The following CHSY3 variants were observed in gnomAD, a reference collection of about 807,000 sequenced individuals.
CHSY3 encodes the protein N-acetylgalactosaminyl-proteoglycan 3-beta-glucuronosyltransferase 3.
In CHSY3, 35 loss-of-function variants were observed where a neutral mutation model predicts 67.2. The observed-to-expected ratio is 0.52, with a 90% confidence interval of 0.40 to 0.69. The LOEUF is 0.69. Among genes scored for constraint, CHSY3 ranks in the 30% least tolerant of loss-of-function variants. CHSY3 has a pLI of 0.00. For synonymous variants in CHSY3, 474 were observed against 434.7 expected (o/e 1.09, Z -1.12); for missense variants, 1,069 against 1,138.5 (o/e 0.94, Z 0.88).
At chr5:129,964,852 C>T (rs1371399180) in intron 2 of CHSY3, among the ~76,000 whole-genome samples, 1 of 151,774 alleles carries the variant, frequency 6.6e-6, no homozygotes, top group Non-Finnish European at 1.5e-5. Context: ...TCTTTTCCCC[C>T]ACTTTTAGAG....
chr5:130,179,035 A>G (rs1391367659), intron 2 of CHSY3, among the ~76,000 whole-genome samples: 1 of 152,226 alleles, frequency 6.6e-6, no homozygotes, highest in Non-Finnish European at 1.5e-5. Flanking sequence ...CCACAATTAT[A>G]GTGTCCTCCA....
intron 2 of CHSY3, among the ~76,000 whole-genome samples, chr5:130,090,642 A>T (rs1218364908): frequency 6.6e-6 from 1 of 152,186 alleles, no homozygotes; most frequent in African/African-American, 2.4e-5. Context: ...GAGAACATGT[A>T]TCACGTTGTT....
chr5:130,127,565 T>C (rs1227947538), intron 2 of CHSY3, among the ~76,000 whole-genome samples: 1 of 152,220 alleles, frequency 6.6e-6, no homozygotes, highest in East Asian at 1.9e-4. Context: ...AGCAGTCATT[T>C]GCTGTAAATA....
chr5:130,155,985 G>A (rs1431579699), intron 2 of CHSY3, among the ~76,000 whole-genome samples: 2 of 152,206 alleles, frequency 1.3e-5, no homozygotes, highest in Non-Finnish European at 2.9e-5. Flanking sequence ...GAGAGCAGCT[G>A]TATCTGCTAA....
intron 2 of CHSY3, among the ~76,000 whole-genome samples, chr5:130,123,548 C>T (rs906727230): frequency 3.9e-5 from 6 of 152,184 alleles, no homozygotes; most frequent in Non-Finnish European, 5.9e-5. Context: ...CTGTAATGCT[C>T]ACCTGCTGCT....
chr5:130,141,382 C>T, intron 2 of CHSY3: 1 of 379,674 alleles, frequency 2.6e-6, no homozygotes, highest in Non-Finnish European at 5.3e-6. Context: ...AGGACAACAA[C>T]CTGCTTGTCA....
chr5:129,958,403 C>T (rs748707360), intron 2 of CHSY3, among the ~76,000 whole-genome samples: 4 of 152,032 alleles, frequency 2.6e-5, no homozygotes, highest in Non-Finnish European at 4.4e-5. Context: ...AGGATATGAG[C>T]GTATTTAAAA....
At chr5:129,937,999 C>A (rs1761563210) in intron 2 of CHSY3, among the ~76,000 whole-genome samples, 1 of 152,182 alleles carries the variant, frequency 6.6e-6, no homozygotes, top group Admixed American at 6.5e-5. Context: ...GGCTCCACCC[C>A]TGCAGCAAAC....
chr5:129,963,287 T>G (rs1428578463), intron 2 of CHSY3, among the ~76,000 whole-genome samples: 3 of 152,026 alleles, frequency 2.0e-5, no homozygotes, highest in Non-Finnish European at 4.4e-5. Context: ...CTACCTTGGT[T>G]GATAGCTTAC....
intron 2 of CHSY3, among the ~76,000 whole-genome samples, chr5:130,102,409 A>C (rs1322491466): frequency 6.6e-6 from 1 of 152,082 alleles, no homozygotes; most frequent in Non-Finnish European, 1.5e-5. Context: ...CATACTGTTT[A>C]ATAAATCAAT....
chr5:129,911,071 T>G (rs569098652), intron 2 of CHSY3, among the ~76,000 whole-genome samples: 12 of 151,756 alleles, frequency 7.9e-5, no homozygotes, highest in African/African-American at 2.9e-4. Flanking sequence ...TTTTTAAGTT[T>G]GAATAGATGA....
At chr5:130,169,486 A>AT (rs1769839971) in intron 2 of CHSY3, among the ~76,000 whole-genome samples, 1 of 152,160 alleles carries the variant, frequency 6.6e-6, no homozygotes, top group African/African-American at 2.4e-5. Context: ...ACTGGAAATT[A>AT]TCATGTAGCC....
At chr5:130,031,794 A>G (rs894688016) in intron 2 of CHSY3, among the ~76,000 whole-genome samples, 1 of 152,190 alleles carries the variant, frequency 6.6e-6, no homozygotes, top group Non-Finnish European at 1.5e-5. Context: ...AAATTATGCA[A>G]GATAGTGTTA....
chr5:130,135,633 T>G (rs1479316422), intron 2 of CHSY3, among the ~76,000 whole-genome samples: 3 of 152,160 alleles, frequency 2.0e-5, no homozygotes, highest in African/African-American at 4.8e-5. Flanking sequence ...CATATCACAA[T>G]GAATGGGTTT....
chr5:130,043,157 C>T (rs1241349206), intron 2 of CHSY3, among the ~76,000 whole-genome samples: 2 of 151,898 alleles, frequency 1.3e-5, no homozygotes, highest in Non-Finnish European at 2.9e-5. Context: ...CACAAAAATC[C>T]CCCAAGTTAG....
chr5:130,133,288 T>A (rs866049177), intron 2 of CHSY3, among the ~76,000 whole-genome samples: 1 of 152,094 alleles, frequency 6.6e-6, no homozygotes, highest in Admixed American at 6.6e-5. Context: ...TTGTAATGCA[T>A]TTTTTTCTTC....
chr5:130,143,808 G>GCGTATATATA (rs1768978179), intron 2 of CHSY3, among the ~76,000 whole-genome samples: 1 of 34,066 alleles, frequency 2.9e-5, no homozygotes, highest in South Asian at 1.4e-3. Context: ...ATATATATGT[G>GCGTATATATA]TGTATATATA....
chr5:129,977,568 A>T (rs1256174612), intron 2 of CHSY3, among the ~76,000 whole-genome samples: 1 of 152,180 alleles, frequency 6.6e-6, no homozygotes, highest in Non-Finnish European at 1.5e-5. Flanking sequence ...TATGCTTATG[A>T]TTCATTAAAG....
intron 2 of CHSY3, among the ~76,000 whole-genome samples, chr5:130,102,753 T>C (rs998714162): frequency 2.0e-5 from 3 of 152,068 alleles, no homozygotes; most frequent in Non-Finnish European, 2.9e-5. Flanking sequence ...AATTCCTACA[T>C]ATTGGCCTGG....
Sources: allele counts gnomAD v4.1 joint callset (sites outside exome capture counted in the v4.1 genomes callset), GRCh38; gene constraint gnomAD v4.1.1; transcripts MANE v1.5; gene names NCBI Gene and HGNC (gene_info 2026-07-23, HGNC 2026-07-21).